The following SCHIP1 variants were observed in gnomAD, a reference collection of about 807,000 sequenced individuals.
The protein encoded by SCHIP1 is schwannomin interacting protein 1.
In SCHIP1, 8 loss-of-function variants were observed where a neutral mutation model predicts 29.7. The observed-to-expected ratio is 0.27, with a 90% CI of 0.16 to 0.49. SCHIP1 has a LOEUF of 0.49. Among genes scored for constraint, SCHIP1 ranks in the 20% least tolerant of loss-of-function variants. SCHIP1 has a pLI of 0.99. For missense variants in SCHIP1, 193 were observed against 294.6 expected, an observed-to-expected ratio of 0.66 and a Z score of 2.52; for synonymous variants, 76 against 94.9, an observed-to-expected ratio of 0.80 and a Z score of 1.16.
the SCHIP1 span, among the ~76,000 whole-genome samples, chr3:159,284,618 A>T: frequency 1.3e-5 from 2 of 152,076 alleles, no homozygotes; most frequent in Non-Finnish European, 2.9e-5. Context: ...CCTTCTGAGT[A>T]GCTGGGATTA....
the SCHIP1 span, among the ~76,000 whole-genome samples, chr3:159,695,294 G>A: frequency 2.9e-4 from 44 of 152,196 alleles, no homozygotes; most frequent in East Asian, 7.2e-3. Context: ...AATGCCCACC[G>A]CCAGGTTTTC....
the SCHIP1 span, among the ~76,000 whole-genome samples, chr3:159,320,247 A>G: frequency 3.3e-4 from 50 of 152,282 alleles, no homozygotes; most frequent in Admixed American, 6.5e-4. Context: ...ATAGAGACTG[A>G]AAAAACATGT....
At chr3:159,286,150 G>A in the SCHIP1 span, among the ~76,000 whole-genome samples, 1 of 152,194 alleles carries the variant, frequency 6.6e-6, no homozygotes, top group East Asian at 1.9e-4. Flanking sequence ...GGGGTTTGGT[G>A]TATAAACTAT....
chr3:159,891,999 A>G, intron 5 of SCHIP1, 98 bp from the exon 7 acceptor site: 1 of 1,294,770 alleles, frequency 7.7e-7, no homozygotes, highest in South Asian at 1.6e-5. Context: ...CTTTCCTATT[A>G]TGGGTAGCTG....
chr3:159,592,259 GTGT>G, the SCHIP1 span, among the ~76,000 whole-genome samples: 3 of 152,120 alleles, frequency 2.0e-5, no homozygotes, highest in African/African-American at 7.2e-5. Context: ...AATCTCCAAG[GTGT>G]TGTGCTGCCA....
the SCHIP1 span, among the ~76,000 whole-genome samples, chr3:159,826,384 A>G: frequency 6.6e-6 from 1 of 152,164 alleles, no homozygotes; most frequent in Non-Finnish European, 1.5e-5. Context: ...TTGGAAAATA[A>G]ATTTGATTTT....
At chr3:159,774,291 G>T in the SCHIP1 span, among the ~76,000 whole-genome samples, 1 of 152,000 alleles carries the variant, frequency 6.6e-6, no homozygotes, top group Non-Finnish European at 1.5e-5. Flanking sequence ...TCTTTTTGTT[G>T]TCTGTGTGTT....
At chr3:159,313,350 C>A in the SCHIP1 span, among the ~76,000 whole-genome samples, 1 of 152,138 alleles carries the variant, frequency 6.6e-6, no homozygotes, top group Non-Finnish European at 1.5e-5. Flanking sequence ...AACTTGGGCA[C>A]TTTCTGTTTG....
At chr3:159,748,434 AGAGAT>A in the SCHIP1 span, among the ~76,000 whole-genome samples, 1 of 152,260 alleles carries the variant, frequency 6.6e-6, no homozygotes, top group Non-Finnish European at 1.5e-5. Context: ...TATAAGAAGT[AGAGAT>A]GGAGTATAAT....
At chr3:159,806,259 CA>C in the SCHIP1 span, among the ~76,000 whole-genome samples, 3 of 152,250 alleles carry the variant, frequency 2.0e-5, no homozygotes, top group East Asian at 5.8e-4. Context: ...GTAGAGAAAG[CA>C]GAATTTTTTA....
the SCHIP1 span, among the ~76,000 whole-genome samples, chr3:159,531,098 C>A: frequency 6.6e-6 from 1 of 152,184 alleles, no homozygotes; most frequent in African/African-American, 2.4e-5. Flanking sequence ...GATTTCAAAA[C>A]TTTATGATAA....
At chr3:159,887,248 C>T (rs1717052484) in intron 3 of SCHIP1, 1 of 154,576 alleles carries the variant, frequency 6.5e-6, no homozygotes, top group Non-Finnish European at 1.4e-5. Flanking sequence ...TGCTGGAATT[C>T]TTTCCTCTCT....
the SCHIP1 span, among the ~76,000 whole-genome samples, chr3:159,543,282 A>G: frequency 6.6e-6 from 1 of 150,676 alleles, no homozygotes; most frequent in Non-Finnish European, 1.5e-5. Context: ...ATATGTATAC[A>G]TGTGCCATGC....
the SCHIP1 span, among the ~76,000 whole-genome samples, chr3:159,806,423 A>G: frequency 2.6e-5 from 4 of 152,198 alleles, no homozygotes; most frequent in African/African-American, 9.6e-5. Context: ...AGGCAACAAC[A>G]TGGTAATTAT....
the SCHIP1 span, among the ~76,000 whole-genome samples, chr3:159,797,228 C>G: frequency 3.9e-5 from 6 of 152,320 alleles, no homozygotes; most frequent in South Asian, 8.3e-4. Context: ...CAGTATCTAG[C>G]ACATCACTGT....
At chr3:159,429,546 A>AT in the SCHIP1 span, among the ~76,000 whole-genome samples, 1 of 152,198 alleles carries the variant, frequency 6.6e-6, no homozygotes. Context: ...ATGAAAATTC[A>AT]TGCTTGCAAA....
chr3:159,764,562 A>G, the SCHIP1 span: 43 of 1,602,982 alleles, frequency 2.7e-5, no homozygotes, highest in Middle Eastern at 3.3e-4. The surrounding 1 kb of genome is among the most constrained non-coding windows in gnomAD (Gnocchi z 6.1). Flanking sequence ...GCAAATCTTC[A>G]TCGTCGCCGG....
the SCHIP1 span, among the ~76,000 whole-genome samples, chr3:159,630,159 T>C: frequency 2.0e-5 from 3 of 152,142 alleles, no homozygotes; most frequent in Admixed American, 2.0e-4. Context: ...ACATTGGGAA[T>C]ACATAAAATG....
the SCHIP1 span, among the ~76,000 whole-genome samples, chr3:159,807,267 A>G: frequency 2.0e-5 from 3 of 152,178 alleles, no homozygotes; most frequent in Non-Finnish European, 4.4e-5. Context: ...TTTAACCTGT[A>G]TTTGTGCTTC....
Sources: gnomAD v4.1 joint callset for allele counts (sites outside exome capture counted in the v4.1 genomes callset) on GRCh38, gnomAD v4.1.1 for gene constraint, Gnocchi (gnomAD v3.1) non-coding constraint, MANE v1.5 for transcripts, NCBI Gene and HGNC (gene_info 2026-07-23, HGNC 2026-07-21) for gene names.